ACAD10: variants seen among roughly 807,000 people sequenced by gnomAD.
ACAD10 encodes acyl-CoA dehydrogenase family member 10.
Under a neutral mutation model 116.8 loss-of-function variants are expected in ACAD10, and 112 were observed. That is an observed-to-expected ratio of 0.96 (90% CI 0.82 to 1.12). The LOEUF is 1.12. ACAD10 is among the 50% of genes most tolerant of loss of function. ACAD10 has a pLI of 0.00. For synonymous variants in ACAD10, 486 were observed against 510.6 expected (o/e 0.95, Z 0.65); for missense variants, 1,259 against 1,350.2 (o/e 0.93, Z 1.06).
At chr12:111,704,134 C>CT (rs573499078) in intron 3 of ACAD10, among the ~76,000 whole-genome samples, 2,368 of 141,446 alleles carry the variant, frequency 0.017, 68 homozygotes, top group African/African-American at 0.056. Flanking sequence ...GTACGGTTTA[C>CT]TTTTTTTTTT....
rs184504568 is a variant in ACAD10 at position 111,695,861 on chromosome 12, A to G, written c.187+2965A>G. 5.5e-3 allele frequency among the ~76,000 whole-genome samples: 837 copies of G among 152,014 alleles called. 11 individuals are homozygous for G. Among genetic ancestry groups the G allele is most frequent in the Non-Finnish European group, 5.7e-3 (388 of 67,982 alleles). The stretch of plus-strand genomic sequence containing the variant: ...AAATCCAATCTCTACTAAAAATTCA[A>G]AAATAAGCGGGGCATGGTGATGGGC... On this transcript the variant is annotated intron_variant, in intron 2 of 20. Transcript: ENST00000313698.
chr12:111,748,172 C>A, intron 16 of ACAD10, 145 bp from the exon 17 acceptor site: 1 of 1,001,708 alleles, frequency 1.0e-6, no homozygotes, highest in Non-Finnish European at 1.5e-6. Flanking sequence ...GGTCAGCAGT[C>A]TGCAGATGCT....
intron 2 of ACAD10, 109 bp from the exon 3 acceptor site, chr12:111,702,053 C>T: frequency 8.3e-7 from 1 of 1,205,948 alleles, no homozygotes; most frequent in Non-Finnish European, 1.2e-6. Flanking sequence ...ACAGCATCCA[C>T]CCTGGCAGTA....
rs1566138543 is a variant in ACAD10, at chr12:111,691,216, C to CT, written c.-13-1472dup. 8 of 151,538 alleles carry CT rather than the reference C, an allele frequency of 5.3e-5. No individual in the cohort carries two copies. In the South Asian group the frequency reaches 1.5e-3, roughly 28 times the overall value. The allele number at this position is 151,538 out of a possible 1,614,324, so 9.4% of individuals were successfully genotyped here. The stretch of plus-strand genomic sequence containing the variant: ...ATGTATGTATGTGTGTTGTGTGTGT[C>CT]TTTTTTTTTCCTGAACCTTTTGAAA... On this transcript the variant is annotated intron_variant, in intron 1 of 20. Transcript: ENST00000313698.
intron 8 of ACAD10, among the ~76,000 whole-genome samples, chr12:111,724,297 C>T (rs1338532380): frequency 3.3e-5 from 5 of 151,856 alleles, no homozygotes; most frequent in East Asian, 3.9e-4. Flanking sequence ...GGCGGCGGGG[C>T]GGAGACGCTC....
intron 1 of ACAD10, among the ~76,000 whole-genome samples, chr12:111,691,402 C>T (rs886997882): frequency 2.0e-5 from 3 of 151,890 alleles, no homozygotes; most frequent in Non-Finnish European, 4.4e-5. Context: ...TTCTGGTATC[C>T]CCAAGAGGCT....
intron 8 of ACAD10, among the ~76,000 whole-genome samples, chr12:111,723,689 C>T (rs1226978875): frequency 4.7e-5 from 7 of 147,522 alleles, no homozygotes; most frequent in Non-Finnish European, 1.1e-4. Context: ...GGCTGACCCC[C>T]CCCCCCACCT....
intron 11 of ACAD10, among the ~76,000 whole-genome samples, chr12:111,734,459 T>C (rs1187840283): frequency 2.0e-5 from 3 of 152,056 alleles, no homozygotes; most frequent in Non-Finnish European, 4.4e-5. Context: ...ACCCTGTCTC[T>C]ACTAAAAATA....
intron 13 of ACAD10, chr12:111,745,477 A>G (rs1429996107): frequency 8.5e-6 from 2 of 235,334 alleles, no homozygotes; most frequent in African/African-American, 4.5e-5. Flanking sequence ...GCTGATAAAC[A>G]GAAACACCCG....
intron 5 of ACAD10, 86 bp from the exon 6 acceptor site, chr12:111,712,412 G>C: frequency 8.3e-7 from 1 of 1,203,096 alleles, no homozygotes. Context: ...AAATATATAC[G>C]TGTATATATT....
intron 20 of ACAD10, 105 bp downstream of exon 20, chr12:111,755,850 G>A: frequency 3.5e-6 from 4 of 1,147,954 alleles, no homozygotes; most frequent in Non-Finnish European, 5.2e-6. Context: ...CAGATGCCCT[G>A]TGTCACCCAC....
At chr12:111,722,604 C>T (rs1225000064) in intron 8 of ACAD10, among the ~76,000 whole-genome samples, 1 of 151,678 alleles carries the variant, frequency 6.6e-6, no homozygotes, top group Non-Finnish European at 1.5e-5. Context: ...AGCATGCTGC[C>T]TTCAAGCTTC....
At chr12:111,732,937 G>C (rs1276675562) in intron 10 of ACAD10, among the ~76,000 whole-genome samples, 1 of 152,208 alleles carries the variant, frequency 6.6e-6, no homozygotes, top group Non-Finnish European at 1.5e-5. Flanking sequence ...TTTCAAAGTA[G>C]GGCGGCTGTC....
chr12:111,733,927 G>T lies in ACAD10; in HGVS notation c.1399G>T (p.Asp467Tyr). ...ATTCCTCCTGCGACTTTTCAGGCTC[G>T]ACAACCTGGTGTTTCATCCAGAAGA... ...TTVVHGDFRLDNLVFHPEEPE... is the reference protein window; with the variant it reads ...TTVVHGDFRLYNLVFHPEEPE... The change falls in exon 11 of 21, where the codon GAC (aspartate) becomes TAC (tyrosine). Residue 467 changes from aspartate (D) to tyrosine (Y), a missense_variant. Asp to Tyr is a radical substitution (Grantham distance 160, BLOSUM62 -3). Coordinates refer to ENST00000313698, the MANE Select transcript of ACAD10 (RefSeq NM_025247.6). The T allele has an allele frequency of 6.2e-7, 1 of 1,614,170 alleles. No individual in the cohort carries two copies. Among genetic ancestry groups the T allele is most frequent in the Non-Finnish European group, 8.5e-7 (1 of 1,180,044 alleles).
chr12:111,693,250 C>A (rs1020345845), intron 2 of ACAD10: 7 of 214,408 alleles, frequency 3.3e-5, no homozygotes, highest in Non-Finnish European at 5.6e-5. Flanking sequence ...TAGAATTTAA[C>A]CACCAAGGCA....
In ACAD10 at chr12:111,712,604, C is replaced by G. The variant is rs145407775; in HGVS notation, c.797C>G (p.Pro266Arg). 1 of 1,613,968 alleles carries G rather than the reference C, an allele frequency of 6.2e-7. No individual in the cohort carries two copies. Among genetic ancestry groups the G allele is most frequent in the Admixed American group, 1.7e-5 (1 of 59,976 alleles). The change falls in exon 6 of 21, where the codon CCG becomes CGG. Residue 266 changes from proline to arginine, a missense_variant. By Grantham distance (103) the Pro-to-Arg change is moderately radical (BLOSUM62 -2). Transcript: ENST00000313698. ...TRPVKKTMEI[P>R]KDSLQKYLKD... is the part of the protein sequence containing the mutation. ...CCTGTGAAAAAGACGATGGAAATTC[C>G]GAAAGATTCCTTGCAGAAGTACCTC...
At chr12:111,753,077 G>C (rs567235636) in intron 18 of ACAD10, 1 of 166,916 alleles carries the variant, frequency 6.0e-6, no homozygotes, top group South Asian at 1.5e-4. Flanking sequence ...CCGGGAGGCG[G>C]AGGTTGCAGT....
At position 111,756,920 on chromosome 12, in the gene ACAD10, G is replaced by A. The variant is rs772836900; in HGVS notation, c.*447G>A. ...TGGTGAGCAGAGGGGCGGCCACGGC[G>A]GGCGGTGGCCTAGAGACCCAGGACC... On this transcript the variant is annotated 3_prime_UTR_variant, in exon 21 of 21. Transcript: ENST00000313698. 2.2e-5 allele frequency: 10 copies of A among 457,552 alleles called. No homozygotes were observed. The highest frequency in any genetic ancestry group is 6.9e-5 in the East Asian group (1 of 14,476). The allele number at this position is 457,552 out of a possible 1,614,324, so 28.3% of individuals were successfully genotyped here.
chr12:111,716,114 C>G, intron 7 of ACAD10, 152 bp downstream of exon 7: 1 of 1,186,662 alleles, frequency 8.4e-7, no homozygotes, highest in Non-Finnish European at 1.2e-6. Flanking sequence ...ACCTATAATC[C>G]CAGTGCCTTG....
Sources: allele counts gnomAD v4.1 joint callset (sites outside exome capture counted in the v4.1 genomes callset), GRCh38; gene constraint gnomAD v4.1.1; transcripts MANE v1.5; gene names NCBI Gene and HGNC (gene_info 2026-07-23, HGNC 2026-07-21).